ITGBL1: variants seen among roughly 807,000 people sequenced by gnomAD.
ITGBL1 encodes the protein integrin subunit beta like 1.
ITGBL1 carries 51 observed loss-of-function variants against 68.5 expected under a neutral mutation model. That is an observed-to-expected ratio of 0.74 (90% CI 0.59 to 0.94). The LOEUF (loss-of-function observed/expected upper bound fraction) is 0.94, where lower values mean the gene tolerates loss of function less well. Among genes scored for constraint, ITGBL1 ranks in the 40% least tolerant of loss-of-function variants. The pLI is 0.00. For missense variants in ITGBL1, 649 were observed against 647.4 expected, an observed-to-expected ratio of 1.00 and a Z score of -0.03; for synonymous variants, 209 against 227.3, an observed-to-expected ratio of 0.92 and a Z score of 0.72.
chr13:101,641,604 C>T (rs1394680387), intron 7 of ITGBL1, among the ~76,000 whole-genome samples: 1 of 148,990 alleles, frequency 6.7e-6, no homozygotes, highest in Non-Finnish European at 1.5e-5. Context: ...GGTACATGTG[C>T]ACAATGTGCA....
intron 3 of ITGBL1, among the ~76,000 whole-genome samples, chr13:101,569,744 A>G (rs1243738352): frequency 6.6e-6 from 1 of 152,152 alleles, no homozygotes; most frequent in East Asian, 1.9e-4. Flanking sequence ...TTCATAATAC[A>G]TATTCTTAGG....
intron 7 of ITGBL1, among the ~76,000 whole-genome samples, chr13:101,683,637 G>T (rs2033692376): frequency 6.6e-6 from 1 of 151,906 alleles, no homozygotes; most frequent in Non-Finnish European, 1.5e-5. Context: ...AACTTCACTA[G>T]ATAATGCCAA....
chr13:101,471,554 G>A (rs28502475), intron 2 of ITGBL1, among the ~76,000 whole-genome samples: 30 of 140,524 alleles, frequency 2.1e-4, no homozygotes, highest in African/African-American at 6.4e-4. Flanking sequence ...GTGTGTGTGT[G>A]TGTGTGTGTG....
At chr13:101,491,854 C>G (rs1010755575) in intron 2 of ITGBL1, among the ~76,000 whole-genome samples, 4 of 152,156 alleles carry the variant, frequency 2.6e-5, no homozygotes, top group Admixed American at 2.6e-4. Context: ...TCAACTCCCA[C>G]TTATGAGTGA....
intron 2 of ITGBL1, among the ~76,000 whole-genome samples, chr13:101,523,473 A>G (rs914655407): frequency 6.6e-6 from 1 of 152,128 alleles, no homozygotes; most frequent in Admixed American, 6.6e-5. Flanking sequence ...TGCTATCTAC[A>G]TGGCATGTTT....
chr13:101,463,940 G>A lies in ITGBL1; in HGVS notation c.316+9840G>A, dbSNP rs193077488. ...TTTTTTTTTTCCGAGACAGATTCTC[G>A]CTGTGTCACCCAGACTGGAGTGCAG... On this transcript the variant is annotated intron_variant, in intron 2 of 10. Coordinates refer to ENST00000376180, the MANE Select transcript of ITGBL1 (RefSeq NM_004791.3). Among the ~76,000 whole-genome samples, 474 of 134,348 alleles carry A rather than the reference G, an allele frequency of 3.5e-3. 3 individuals are homozygous for A. Among genetic ancestry groups the A allele is most frequent in the Middle Eastern group, 0.022 (5 of 226 alleles). 88.1% of individuals were successfully genotyped at this position (134,348 alleles called of 152,430 possible). A position where few individuals can be genotyped will look rare whatever the true frequency, so the allele number is the denominator to read the frequency against.
chr13:101,623,205 T>C (rs1049733332), intron 7 of ITGBL1, among the ~76,000 whole-genome samples: 3 of 152,050 alleles, frequency 2.0e-5, no homozygotes, highest in African/African-American at 7.2e-5. Context: ...TAAATATTAA[T>C]ATGATAATGC....
intron 9 of ITGBL1, among the ~76,000 whole-genome samples, chr13:101,709,475 AGG>A (rs1334460147): frequency 6.6e-6 from 1 of 150,950 alleles, no homozygotes; most frequent in Non-Finnish European, 1.5e-5. Flanking sequence ...ATGTTATCAG[AGG>A]GGAATGATCT....
At chr13:101,542,955 A>G (rs375151501) in intron 2 of ITGBL1, among the ~76,000 whole-genome samples, 1 of 152,088 alleles carries the variant, frequency 6.6e-6, no homozygotes, top group South Asian at 2.1e-4. Context: ...GTGTGTCTCT[A>G]CACGTGAGAT....
rs181850947 is a variant in ITGBL1 at position 101,685,944 on chromosome 13, T to C, written c.1016-6641T>C. Among the ~76,000 whole-genome samples the C allele has an allele frequency of 4.0e-3, 613 of 152,228 alleles. 4 individuals carry two copies. The highest frequency in any genetic ancestry group is 7.2e-3 in the Admixed American group (110 of 15,274). ...ACTCTCAAAAGCTTCTGAGAGGTTATATAAGATGGTACAGAGAATTGGCCA... is the reference window on the plus strand; with the variant it reads ...ACTCTCAAAAGCTTCTGAGAGGTTACATAAGATGGTACAGAGAATTGGCCA... On this transcript the variant is annotated intron_variant, in intron 7 of 10. Transcript: ENST00000376180.
chr13:101,638,434 TAAA>T (rs56780940), intron 7 of ITGBL1, among the ~76,000 whole-genome samples: 6 of 148,910 alleles, frequency 4.0e-5, no homozygotes, highest in South Asian at 2.1e-4. Context: ...TCTTAAAAAA[TAAA>T]AAAAAAAAAA....
chr13:101,651,961 G>A (rs1216657669), intron 7 of ITGBL1, among the ~76,000 whole-genome samples: 1 of 152,048 alleles, frequency 6.6e-6, no homozygotes, highest in Non-Finnish European at 1.5e-5. Context: ...CGTCAGGTTT[G>A]TTGAAGATCA....
intron 7 of ITGBL1, among the ~76,000 whole-genome samples, chr13:101,660,224 C>T (rs2033047149): frequency 6.6e-6 from 1 of 152,156 alleles, no homozygotes; most frequent in South Asian, 2.1e-4. Flanking sequence ...TTCTTGAAGG[C>T]TCAGAGGTTA....
At chr13:101,594,801 T>C (rs1157618231) in intron 6 of ITGBL1, among the ~76,000 whole-genome samples, 4 of 152,108 alleles carry the variant, frequency 2.6e-5, no homozygotes, top group African/African-American at 9.7e-5. Flanking sequence ...GCCAGGCACA[T>C]GGTGGCTCAT....
chr13:101,718,832 T>C (rs1348762163), downstream of ITGBL1: 1 of 151,560 alleles, frequency 6.6e-6, no homozygotes, highest in Non-Finnish European at 1.5e-5. Flanking sequence ...CAGACTCAAC[T>C]GTCAACACTT....
intron 8 of ITGBL1, among the ~76,000 whole-genome samples, chr13:101,697,183 G>C (rs1221245018): frequency 3.3e-5 from 5 of 151,062 alleles, no homozygotes; most frequent in African/African-American, 1.2e-4. Context: ...CTCATCTTTA[G>C]ATATCAGGTC....
In ITGBL1 at chr13:101,600,762, C is replaced by T. The variant is rs183067016; in HGVS notation, c.1015+2463C>T. 2.7e-3 allele frequency among the ~76,000 whole-genome samples: 413 copies of T among 152,294 alleles called. 1 individual carries two copies. The highest frequency in any genetic ancestry group is 3.6e-3 in the Non-Finnish European group (244 of 68,030). ...CAGTTATTGATTTGCATATGTTGTA[C>T]CAGCCTTGCATCCCAGGGATGAAGC... On this transcript the variant is annotated intron_variant, in intron 7 of 10. Transcript: ENST00000376180.
chr13:101,490,949 T>G (rs2048767093), intron 2 of ITGBL1, among the ~76,000 whole-genome samples: 1 of 152,212 alleles, frequency 6.6e-6, no homozygotes, highest in Non-Finnish European at 1.5e-5. Flanking sequence ...CTAAAACATC[T>G]TCAGACTGGT....
intron 7 of ITGBL1, among the ~76,000 whole-genome samples, chr13:101,615,605 T>C (rs2031316879): frequency 6.6e-6 from 1 of 151,534 alleles, no homozygotes; most frequent in African/African-American, 2.4e-5. Flanking sequence ...GAGGGTGGAG[T>C]CCTCATGAAA....
Sources: gnomAD v4.1 joint callset for allele counts (sites outside exome capture counted in the v4.1 genomes callset) on GRCh38, gnomAD v4.1.1 for gene constraint, MANE v1.5 for transcripts, NCBI Gene and HGNC (gene_info 2026-07-23, HGNC 2026-07-21) for gene names.